BTAF1: variants seen among roughly 807,000 people sequenced by gnomAD.
BTAF1 encodes TATA-binding protein-associated factor 172.
A neutral mutation model predicts 227.1 loss-of-function variants in BTAF1; 38 were observed. The ratio of observed to expected loss-of-function variants is 0.17; its 90% CI spans 0.13 to 0.22. The LOEUF is 0.22. BTAF1 is among the 10% of genes least tolerant of loss of function. BTAF1 has a pLI of 1.00. For synonymous variants in BTAF1, 742 were observed against 751.9 expected (o/e 0.99, Z 0.21); for missense variants, 1,598 against 2,204.0 (o/e 0.73, Z 5.51).
chr10:91,957,357 C>A, intron 8 of BTAF1, 64 bp downstream of exon 8: 3 of 1,355,114 alleles, frequency 2.2e-6, no homozygotes, highest in Non-Finnish European at 3.1e-6. Context: ...GGAACAATGT[C>A]AAGAGCAATA....
rs762031312 is a variant in BTAF1 at position 91,935,641 on chromosome 10, A to T, written c.15-16A>T. 1 of 1,610,284 alleles carries T rather than the reference A, an allele frequency of 6.2e-7. No homozygotes were observed. The highest frequency in any genetic ancestry group is 8.5e-7 in the Non-Finnish European group (1 of 1,178,164). The stretch of plus-strand genomic sequence containing the variant: ...AAAAGCATTTGAGAATAACCATTGT[A>T]TTTTTGTTATTTCAGGCTAGATCGC... On this transcript the variant is annotated splice_polypyrimidine_tract_variant and intron_variant, in intron 1 of 37. Transcript: ENST00000265990.
Position 91,984,166 on chromosome 10 carries a change from T to C in BTAF1, c.2224-35T>C, listed in dbSNP as rs1564693996. The C allele has an allele frequency of 2.5e-6, 4 of 1,575,924 alleles. No homozygotes were observed. In the Admixed American group the frequency reaches 6.8e-5, roughly 27 times the overall value. ...TCTGTATCTATAAAGTTAATGTTCATACAGTTACCCTATTTGTTTTCTGTT... is the reference window on the plus strand; with the variant it reads ...TCTGTATCTATAAAGTTAATGTTCACACAGTTACCCTATTTGTTTTCTGTT... On this transcript the variant is annotated intron_variant, in intron 18 of 37. Transcript: ENST00000265990.
Position 92,008,106 on chromosome 10 carries a change from TA to T in BTAF1, c.3661-10del, listed in dbSNP as rs748207799. ...GTGAGTACGTAGTTTTTAATAACTT[TA>T]AAAAAATCATTTTAGGCAGGCATTC... On this transcript the variant is annotated splice_polypyrimidine_tract_variant and intron_variant, in intron 25 of 37. Transcript: ENST00000265990. 3.8e-5 allele frequency: 60 copies of T among 1,563,276 alleles called. No individual in the cohort carries two copies. In the Admixed American group the frequency reaches 5.5e-4, roughly 14 times the overall value.
chr10:91,948,977 C>T (rs1016188852), intron 4 of BTAF1, among the ~76,000 whole-genome samples: 1 of 152,082 alleles, frequency 6.6e-6, no homozygotes, highest in Non-Finnish European at 1.5e-5. Context: ...GTGACAGTAT[C>T]TTCTTTTACA....
At chr10:91,968,840 C>T (rs1277982536) in intron 14 of BTAF1, among the ~76,000 whole-genome samples, 3 of 152,018 alleles carry the variant, frequency 2.0e-5, no homozygotes, top group Non-Finnish European at 2.9e-5. Context: ...CTCTCATCTT[C>T]GGTGAGGTGT....
intron 25 of BTAF1, among the ~76,000 whole-genome samples, chr10:92,003,937 A>G (rs1166501910): frequency 6.6e-6 from 1 of 152,172 alleles, no homozygotes; most frequent in Non-Finnish European, 1.5e-5. Flanking sequence ...TAGCTATTCT[A>G]ACAGTTCTGA....
intron 9 of BTAF1, 33 bp from the exon 10 acceptor site, chr10:91,959,732 GTGTGTGTGTATATATATATA>G: frequency 9.5e-6 from 4 of 419,230 alleles, no homozygotes; most frequent in Admixed American, 8.1e-5. Flanking sequence ...GTGTGTGTGT[GTGTGTGTGTATATATATATA>G]TATATATATA....
At chr10:91,925,661 G>A (rs746261833) in intron 1 of BTAF1, among the ~76,000 whole-genome samples, 4 of 151,920 alleles carry the variant, frequency 2.6e-5, no homozygotes, top group Non-Finnish European at 5.9e-5. Flanking sequence ...ACAGGCACCC[G>A]CCACCACACC....
At position 91,925,516 on chromosome 10, in the gene BTAF1, C is replaced by CTTTTTTTTTTTTTTTTTTTTTTT. The variant is rs6144026; in HGVS notation, c.14+1439_14+1440insTTTTTTTTTTTTTTTTTTTTTTT. The stretch of plus-strand genomic sequence containing the variant: ...CCTAATTTTCGGGCAACGCTAATCT[C>CTTTTTTTTTTTTTTTTTTTTTTT]TTTTTTTTTTTTTGAGAAGGAATCT... On this transcript the variant is annotated intron_variant, in intron 1 of 37. Transcript: ENST00000265990. Among the ~76,000 whole-genome samples, 11 of 114,580 alleles carry CTTTTTTTTTTTTTTTTTTTTTTT rather than the reference C, an allele frequency of 9.6e-5. 1 individual carries two copies. The highest frequency in any genetic ancestry group is 3.1e-4 in the Admixed American group (3 of 9,532). The allele number at this position is 114,580 out of a possible 152,430, so 75.2% of individuals were successfully genotyped here. A position where few individuals can be genotyped will look rare whatever the true frequency, so the allele number is the denominator to read the frequency against.
At chr10:91,999,711 A>G (rs1191981040) in intron 25 of BTAF1, among the ~76,000 whole-genome samples, 5 of 152,228 alleles carry the variant, frequency 3.3e-5, no homozygotes, top group African/African-American at 9.6e-5. Context: ...AACATCATTT[A>G]TAGTAGTCTG....
At chr10:92,025,810 CAAA>C (rs71025383) in intron 35 of BTAF1, among the ~76,000 whole-genome samples, 4 of 86,900 alleles carry the variant, frequency 4.6e-5, no homozygotes, top group Non-Finnish European at 2.2e-5. Flanking sequence ...GACTCTGTCT[CAAA>C]AAAAAAAAAA....
At chr10:91,995,105 T>A (rs1249532420) in intron 23 of BTAF1, among the ~76,000 whole-genome samples, 3 of 152,148 alleles carry the variant, frequency 2.0e-5, no homozygotes, top group Admixed American at 2.0e-4. Context: ...TAAAAAACTA[T>A]TAAAATGTTT....
chr10:91,987,299 T>G (rs2792024), intron 19 of BTAF1, among the ~76,000 whole-genome samples: 1 of 151,394 alleles, frequency 6.6e-6, no homozygotes, highest in African/African-American at 2.4e-5. Flanking sequence ...CTGGCTAACA[T>G]GGTGAAACCC....
At chr10:91,993,267 T>C (rs531116673) in intron 21 of BTAF1, among the ~76,000 whole-genome samples, 19 of 152,318 alleles carry the variant, frequency 1.2e-4, no homozygotes, top group Non-Finnish European at 2.9e-5. Context: ...TGAATAAGAA[T>C]TATTAATCTT....
At chr10:91,957,389 C>A in intron 8 of BTAF1, 96 bp downstream of exon 8, 2 of 988,936 alleles carry the variant, frequency 2.0e-6, no homozygotes, top group Non-Finnish European at 3.0e-6. Context: ...AGTCCCTATT[C>A]TTCTCTGTTT....
At chr10:91,951,755 C>G (rs61876471) in intron 5 of BTAF1, among the ~76,000 whole-genome samples, 189 bp downstream of exon 5, 2 of 152,110 alleles carry the variant, frequency 1.3e-5, no homozygotes, top group African/African-American at 4.8e-5. Flanking sequence ...AGAAGCTCAA[C>G]CTACCTCCCA....
intron 9 of BTAF1, 200 bp downstream of exon 9, chr10:91,959,354 C>A: frequency 8.5e-7 from 1 of 1,175,070 alleles, no homozygotes; most frequent in Non-Finnish European, 1.1e-6. Flanking sequence ...CAGTGAGCAA[C>A]ATAATTGGTA....
rs749127037 is a variant in BTAF1, at chr10:92,027,309, CT to C, written c.5406+11del. 5.7e-6 allele frequency: 9 copies of C among 1,588,296 alleles called. No individual in the cohort carries two copies. In the Admixed American group the frequency reaches 7.5e-5, roughly 13 times the overall value. ...TGTTTACTCTTGATAAGGTAAAGAA[CT>C]TACACAATTTGTTGTATCTTTGAGT... On this transcript the variant is annotated intron_variant, in intron 37 of 37. Transcript: ENST00000265990.
At chr10:91,994,150 G>GA (rs1848986906) in intron 22 of BTAF1, among the ~76,000 whole-genome samples, 2 of 151,990 alleles carry the variant, frequency 1.3e-5, no homozygotes, top group Non-Finnish European at 2.9e-5. Context: ...CCCATCTCTA[G>GA]CAAAAATACA....
Sources: gnomAD v4.1 joint callset for allele counts (sites outside exome capture counted in the v4.1 genomes callset) on GRCh38, gnomAD v4.1.1 for gene constraint, MANE v1.5 for transcripts, NCBI Gene and HGNC (gene_info 2026-07-23, HGNC 2026-07-21) for gene names.